HCRTR2: variants seen among roughly 807,000 people sequenced by gnomAD.
HCRTR2 encodes the protein hypocretin receptor 2.
Under a neutral mutation model 49.0 loss-of-function variants are expected in HCRTR2, and 22 were observed. That is an observed-to-expected ratio of 0.45 (90% CI 0.32 to 0.64). The LOEUF (loss-of-function observed/expected upper bound fraction) is 0.64. Among genes scored for constraint, HCRTR2 ranks in the 30% least tolerant of loss-of-function variants. HCRTR2 has a pLI of 0.04. For missense variants in HCRTR2, 491 were observed against 559.4 expected, an observed-to-expected ratio of 0.88 and a Z score of 1.23; for synonymous variants, 236 against 205.3, an observed-to-expected ratio of 1.15 and a Z score of -1.28.
chr6:55,126,066 C>A (rs1300686727), intron 1 of HCRTR2, among the ~76,000 whole-genome samples: 2 of 152,108 alleles, frequency 1.3e-5, no homozygotes. Context: ...AGAACATGCT[C>A]CTTTAGCTTA....
intron 1 of HCRTR2, among the ~76,000 whole-genome samples, chr6:55,182,227 G>A (rs764819558): frequency 7.2e-5 from 11 of 152,104 alleles, no homozygotes; most frequent in Non-Finnish European, 1.3e-4. Flanking sequence ...TCCAATGACC[G>A]CCCCCGGGCC....
chr6:55,235,342 A>G (rs1312923416), intron 1 of HCRTR2, among the ~76,000 whole-genome samples: 1 of 152,250 alleles, frequency 6.6e-6, no homozygotes. Context: ...TTCAATAAAA[A>G]TATCTGAAAA....
In HCRTR2 at chr6:55,118,780, TATTTA is replaced by T. The variant is rs564155653; in HGVS notation, c.-378+12236_-378+12240del. Among the ~76,000 whole-genome samples the T allele has an allele frequency of 1.2e-3, 176 of 151,734 alleles. 2 individuals carry two copies. Among genetic ancestry groups the T allele is most frequent in the East Asian group, 9.1e-3 (47 of 5,172 alleles). On this transcript the variant is annotated intron_variant, in intron 1 of 7. Coordinates refer to the HCRTR2 transcript ENST00000615358. ...ATTCTTGTAAATTTTCTTATTTATT[TATTTA>T]TTTATTCTTTTTTAAATTATACTTT...
intron 1 of HCRTR2, among the ~76,000 whole-genome samples, chr6:55,108,063 A>G (rs115825421): frequency 0.017 from 2,603 of 152,320 alleles, 42 homozygotes; most frequent in Non-Finnish European, 0.03. Flanking sequence ...CAATAAATTC[A>G]TGATGATAAG....
intron 2 of HCRTR2, among the ~76,000 whole-genome samples, chr6:55,249,095 T>G (rs60348181): frequency 6.6e-6 from 1 of 152,010 alleles, no homozygotes; most frequent in African/African-American, 2.4e-5. Context: ...TTGCACAAAC[T>G]TTTTTTATTC....
chr6:55,196,424 C>G (rs916589878), intron 1 of HCRTR2, among the ~76,000 whole-genome samples: 5 of 152,150 alleles, frequency 3.3e-5, no homozygotes, highest in Non-Finnish European at 5.9e-5. Flanking sequence ...TAACCTTTAG[C>G]CACTTGGGAT....
chr6:55,277,870 AC>A (rs1767108975), intron 5 of HCRTR2, among the ~76,000 whole-genome samples: 1 of 152,182 alleles, frequency 6.6e-6, no homozygotes, highest in South Asian at 2.1e-4. Context: ...TAGTTGCTAA[AC>A]CTTAGATGCA....
intron 1 of HCRTR2, among the ~76,000 whole-genome samples, chr6:55,180,543 G>T (rs1293905828): frequency 6.6e-6 from 1 of 151,464 alleles, no homozygotes; most frequent in African/African-American, 2.4e-5. Flanking sequence ...GGTAAAATAG[G>T]TGCTGCCAAA....
At chr6:55,257,928 A>C (rs1766683627) in intron 3 of HCRTR2, among the ~76,000 whole-genome samples, 1 of 152,030 alleles carries the variant, frequency 6.6e-6, no homozygotes, top group African/African-American at 2.4e-5. Flanking sequence ...TATTAAATGA[A>C]ATTGCTAAGA....
At chr6:55,118,191 G>A (rs183217929) in intron 1 of HCRTR2, among the ~76,000 whole-genome samples, 27 of 151,952 alleles carry the variant, frequency 1.8e-4, no homozygotes, top group Middle Eastern at 3.4e-3. Context: ...TTAGGATAAT[G>A]ACCTCCAGCT....
intron 1 of HCRTR2, among the ~76,000 whole-genome samples, chr6:55,227,435 A>ATG (rs140682850): frequency 2.6e-4 from 40 of 151,326 alleles, no homozygotes; most frequent in East Asian, 1.4e-3. Flanking sequence ...GAATGGGTGT[A>ATG]TGTGTGTGTG....
At chr6:55,199,175 C>T (rs1337220075) in intron 1 of HCRTR2, among the ~76,000 whole-genome samples, 6 of 151,758 alleles carry the variant, frequency 4.0e-5, no homozygotes, top group South Asian at 2.1e-4. Context: ...AAAACACACA[C>T]GACTACCACA....
chr6:55,235,410 T>C (rs897152616), intron 1 of HCRTR2, among the ~76,000 whole-genome samples: 2 of 152,126 alleles, frequency 1.3e-5, no homozygotes, highest in African/African-American at 4.8e-5. Context: ...ATCATGTAAA[T>C]TGTTTTCTTC....
At chr6:55,118,072 G>T (rs1259003563) in intron 1 of HCRTR2, among the ~76,000 whole-genome samples, 1 of 151,548 alleles carries the variant, frequency 6.6e-6, no homozygotes, top group Non-Finnish European at 1.5e-5. Flanking sequence ...TCTCCACAAG[G>T]CCCCAGTGTG....
intron 2 of HCRTR2, 40 bp downstream of exon 2, chr6:55,248,857 A>C (rs774300651): frequency 4.1e-5 from 63 of 1,550,740 alleles, no homozygotes; most frequent in Middle Eastern, 1.7e-4. Flanking sequence ...ACTAAAAAGA[A>C]TGTTCAGCCA....
intron 3 of HCRTR2, among the ~76,000 whole-genome samples, chr6:55,262,680 A>G (rs906100435): frequency 7.1e-6 from 1 of 141,108 alleles, no homozygotes; most frequent in Admixed American, 7.6e-5. Flanking sequence ...TATATAAAAT[A>G]TATATTATGT....
chr6:55,239,168 T>C (rs915746684), intron 1 of HCRTR2, among the ~76,000 whole-genome samples: 2 of 152,326 alleles, frequency 1.3e-5, no homozygotes, highest in Admixed American at 6.5e-5. Context: ...TAGTCATTAA[T>C]AGAACTGCAG....
At chr6:55,214,451 C>T (rs1765753118) in intron 1 of HCRTR2, among the ~76,000 whole-genome samples, 1 of 152,118 alleles carries the variant, frequency 6.6e-6, no homozygotes. Context: ...TCCACCTCAG[C>T]CTCCTGAGTA....
At chr6:55,221,571 T>A (rs889207410) in intron 1 of HCRTR2, among the ~76,000 whole-genome samples, 37 of 151,726 alleles carry the variant, frequency 2.4e-4, no homozygotes, top group Non-Finnish European at 4.9e-4. Flanking sequence ...CCCAGCACTT[T>A]GGGAGGCCAA....
Sources: gnomAD v4.1 joint callset for allele counts (sites outside exome capture counted in the v4.1 genomes callset) on GRCh38, gnomAD v4.1.1 for gene constraint, MANE v1.5 for transcripts, NCBI Gene and HGNC (gene_info 2026-07-23, HGNC 2026-07-21) for gene names.